MAGI2: variants seen among roughly 807,000 people sequenced by gnomAD.
MAGI2 encodes membrane-associated guanylate kinase, WW and PDZ domain-containing protein 2.
In MAGI2, 35 loss-of-function variants were observed where a neutral mutation model predicts 133.3. That is an observed-to-expected ratio of 0.26 (90% CI 0.20 to 0.35). The LOEUF is 0.35. Among genes scored for constraint, MAGI2 ranks in the 10% least tolerant of loss-of-function variants. The probability of loss-of-function intolerance (pLI) is 1.00; values close to 1 mark genes in which losing one functional copy is unlikely to be tolerated. For synonymous variants in MAGI2, 729 were observed against 710.6 expected, an observed-to-expected ratio of 1.03 and a Z score of -0.41; for missense variants, 1,636 against 1,863.4, an observed-to-expected ratio of 0.88 and a Z score of 2.25.
rs1478886879 is a variant in MAGI2 at position 79,258,561 on chromosome 7, T to A, written c.301+194459A>T. Among the ~76,000 whole-genome samples, 3 of 152,236 alleles carry A rather than the reference T, an allele frequency of 2.0e-5. No individual in the cohort carries two copies. The South Asian group carries it at 6.2e-4, about 31-fold the overall frequency. ...AGGATTACTTTGGCGTAGGTAGTTT[T>A]CTAAGAGCTTTGCCTGCATCAACTG... is the stretch of plus-strand genomic sequence containing the variant. On this transcript the variant is annotated intron_variant, in intron 1 of 21. Transcript: ENST00000354212.
At chr7:78,284,220 G>A (rs754615225) in intron 9 of MAGI2, among the ~76,000 whole-genome samples, 3 of 151,994 alleles carry the variant, frequency 2.0e-5, no homozygotes, top group Admixed American at 6.6e-5. Flanking sequence ...CCTTCCCCTA[G>A]GCAAATGTTT....
chr7:78,721,986 A>AGCAAAATATTAAG (rs1431164693), intron 2 of MAGI2, among the ~76,000 whole-genome samples: 1 of 151,724 alleles, frequency 6.6e-6, no homozygotes. Context: ...TTTTAGTGAG[A>AGCAAAATATTAAG]GCAAAATATT....
intron 10 of MAGI2, among the ~76,000 whole-genome samples, chr7:78,212,341 T>C (rs1287165576): frequency 6.6e-6 from 1 of 152,148 alleles, no homozygotes; most frequent in Non-Finnish European, 1.5e-5. Flanking sequence ...AAGAGTATCT[T>C]TGATTATACA....
chr7:78,707,864 T>G (rs1218035060), intron 2 of MAGI2, among the ~76,000 whole-genome samples: 3 of 152,104 alleles, frequency 2.0e-5, no homozygotes, highest in Admixed American at 6.6e-5. Context: ...CTTAGTGCAG[T>G]CTGGTATGAG....
chr7:78,649,462 T>A (rs1184053205), intron 2 of MAGI2, among the ~76,000 whole-genome samples: 1 of 152,026 alleles, frequency 6.6e-6, no homozygotes, highest in East Asian at 1.9e-4. Flanking sequence ...GAGGCTGAGT[T>A]TGGCATGTGG....
intron 10 of MAGI2, among the ~76,000 whole-genome samples, chr7:78,220,923 A>G (rs1788761749): frequency 6.6e-6 from 1 of 152,214 alleles, no homozygotes; most frequent in South Asian, 2.1e-4. Flanking sequence ...ATTTTATGCC[A>G]TAATCTCAGC....
intron 6 of MAGI2, among the ~76,000 whole-genome samples, chr7:78,477,735 A>T (rs2150445896): frequency 6.6e-6 from 1 of 152,040 alleles, no homozygotes; most frequent in East Asian, 1.9e-4. Context: ...ACTACAATTC[A>T]AGGTGAGATT....
At chr7:78,143,062 G>A (rs1279407548) in intron 16 of MAGI2, among the ~76,000 whole-genome samples, 1 of 152,180 alleles carries the variant, frequency 6.6e-6, no homozygotes, top group African/African-American at 2.4e-5. Flanking sequence ...AAAAAGATAT[G>A]TATTTCCATT....
At chr7:78,437,663 A>G (rs968174220) in intron 6 of MAGI2, among the ~76,000 whole-genome samples, 6 of 152,162 alleles carry the variant, frequency 3.9e-5, no homozygotes, top group African/African-American at 1.4e-4. Flanking sequence ...ACTGTCCTAT[A>G]AGACGTGACT....
At chr7:78,212,728 A>G (rs911351557) in intron 10 of MAGI2, among the ~76,000 whole-genome samples, 1 of 152,196 alleles carries the variant, frequency 6.6e-6, no homozygotes, top group African/African-American at 2.4e-5. Context: ...TCTAGTTTCA[A>G]ATGAAACTAG....
intron 14 of MAGI2, among the ~76,000 whole-genome samples, chr7:78,169,643 A>G (rs1044527114): frequency 2.0e-5 from 3 of 152,168 alleles, no homozygotes; most frequent in African/African-American, 4.8e-5. Flanking sequence ...TTCCCACACT[A>G]CTTCTGCTTT....
At chr7:78,102,206 G>T (rs1029403270) in intron 20 of MAGI2, among the ~76,000 whole-genome samples, 1 of 152,066 alleles carries the variant, frequency 6.6e-6, no homozygotes, top group African/African-American at 2.4e-5. Flanking sequence ...TGGGGGTTGG[G>T]GAAAAGGGGA....
intron 1 of MAGI2, among the ~76,000 whole-genome samples, chr7:79,035,765 T>C (rs1301073772): frequency 6.6e-6 from 1 of 152,200 alleles, no homozygotes; most frequent in Non-Finnish European, 1.5e-5. Flanking sequence ...TCTGATTCAA[T>C]CTAGACTCAT....
chr7:79,294,799 G>C (rs1340748707), intron 1 of MAGI2, among the ~76,000 whole-genome samples: 1 of 126,902 alleles, frequency 7.9e-6, no homozygotes, highest in African/African-American at 2.9e-5. Context: ...GCGCAATCTC[G>C]GCTCACTGCA....
chr7:78,956,966 T>C (rs182045895), intron 2 of MAGI2, among the ~76,000 whole-genome samples: 353 of 152,056 alleles, frequency 2.3e-3, no homozygotes, highest in African/African-American at 8.0e-3. Context: ...TTGATGGCTA[T>C]TATTAAAGAC....
intron 9 of MAGI2, among the ~76,000 whole-genome samples, chr7:78,332,427 A>G (rs982704541): frequency 1.3e-5 from 2 of 152,208 alleles, no homozygotes; most frequent in Non-Finnish European, 2.9e-5. Flanking sequence ...GGCTGGGCGC[A>G]GTGGCTCACG....
At chr7:78,680,760 T>C (rs552913268) in intron 2 of MAGI2, among the ~76,000 whole-genome samples, 25 of 152,300 alleles carry the variant, frequency 1.6e-4, no homozygotes, top group African/African-American at 5.8e-4. Flanking sequence ...TAGGATTTCA[T>C]TTCCTATCTG....
intron 1 of MAGI2, among the ~76,000 whole-genome samples, chr7:79,380,354 C>G (rs192067740): frequency 6.6e-6 from 1 of 151,914 alleles, no homozygotes; most frequent in African/African-American, 2.4e-5. Context: ...CCTTGTGCTT[C>G]CCTTCTGCTC....
intron 1 of MAGI2, among the ~76,000 whole-genome samples, chr7:79,377,400 C>T (rs1420459178): frequency 6.6e-6 from 1 of 151,816 alleles, no homozygotes; most frequent in Admixed American, 6.6e-5. Context: ...GAGTTAGACT[C>T]ATTTTTAAAA....
Sources: allele counts gnomAD v4.1 joint callset (sites outside exome capture counted in the v4.1 genomes callset), GRCh38; gene constraint gnomAD v4.1.1; transcripts MANE v1.5; gene names NCBI Gene and HGNC (gene_info 2026-07-23, HGNC 2026-07-21).